ZNF273: variants seen among roughly 807,000 people sequenced by gnomAD.
The protein encoded by ZNF273 is zinc finger protein 9.
A neutral mutation model predicts 14.9 loss-of-function variants in ZNF273; 11 were observed. The observed-to-expected ratio is 0.74, with a 90% CI of 0.46 to 1.22. ZNF273 has a LOEUF of 1.22. ZNF273 is among the 50% of genes most tolerant of loss of function. The probability of loss-of-function intolerance (pLI) is 0.00; values close to 1 mark genes in which losing one functional copy is unlikely to be tolerated. For missense variants in ZNF273, 577 were observed against 660.6 expected (o/e 0.87, Z 1.39); for synonymous variants, 199 against 223.9 (o/e 0.89, Z 0.99).
At chr7:64,923,551 A>C in intron 3 of ZNF273, 1 of 341,984 alleles carries the variant, frequency 2.9e-6, no homozygotes. Context: ...CATGTTGGCC[A>C]GGCTGGTCTC....
downstream of ZNF273, among the ~76,000 whole-genome samples, chr7:64,932,347 G>T (rs1220143165): frequency 6.6e-6 from 1 of 151,830 alleles, no homozygotes; most frequent in Non-Finnish European, 1.5e-5. Flanking sequence ...TTTCACTCTT[G>T]TTGCCCAGGC....
intron 3 of ZNF273, among the ~76,000 whole-genome samples, chr7:64,925,743 CAA>C (rs368531754): frequency 6.6e-6 from 1 of 152,140 alleles, no homozygotes; most frequent in African/African-American, 2.4e-5. Flanking sequence ...CGGCTGCATA[CAA>C]AGTTTTTTCC....
rs78964580 is a variant in ZNF273, at chr7:64,906,313, A to G, written c.102+2894A>G. The stretch of plus-strand genomic sequence containing the variant: ...TATATGGTAAAACTTGGTACCTCCC[A>G]GAAGCGTTCCCATATGACTGTTTAC... On this transcript the variant is annotated intron_variant, in intron 1 of 3. Coordinates refer to ENST00000476120, the MANE Select transcript of ZNF273 (RefSeq NM_021148.3). Among the ~76,000 whole-genome samples, 324 of 152,314 alleles carry G rather than the reference A, an allele frequency of 2.1e-3. 2 individuals carry two copies. The highest frequency in any genetic ancestry group is 7.4e-3 in the African/African-American group (309 of 41,562).
At chr7:64,882,291 G>A (rs555973330), downstream of ZNF273, among the ~76,000 whole-genome samples, 1 of 151,986 alleles carries the variant, frequency 6.6e-6, no homozygotes, top group South Asian at 2.1e-4. Flanking sequence ...CCCACCTCAC[G>A]GTCTCCAATC....
downstream of ZNF273, among the ~76,000 whole-genome samples, chr7:64,882,064 T>A (rs1170805601): frequency 6.6e-6 from 1 of 152,110 alleles, no homozygotes; most frequent in African/African-American, 2.4e-5. Context: ...CCGTGGGTGC[T>A]GAGAAGGGGG....
chr7:64,921,805 T>C (rs747265433), intron 3 of ZNF273, among the ~76,000 whole-genome samples: 2 of 151,750 alleles, frequency 1.3e-5, no homozygotes, highest in Non-Finnish European at 2.9e-5. Flanking sequence ...AATTTTTGTA[T>C]TTTTGTAGAG....
intron 3 of ZNF273, among the ~76,000 whole-genome samples, chr7:64,925,884 G>A (rs1794744283): frequency 6.6e-6 from 1 of 150,736 alleles, no homozygotes; most frequent in Non-Finnish European, 1.5e-5. Flanking sequence ...AATTAAAAAT[G>A]TGTACTGCAC....
chr7:64,932,224 T>TAA (rs34367766), downstream of ZNF273, among the ~76,000 whole-genome samples: 13,266 of 146,752 alleles, frequency 0.09, 658 homozygotes, highest in Non-Finnish European at 0.11. Flanking sequence ...TAACTGTTTG[T>TAA]AAAAAAAAAA....
At chr7:64,888,207 GGCT>G (rs78723265) in intron 1 of ZNF273, 260 of 782,418 alleles carry the variant, frequency 3.3e-4, no homozygotes, top group East Asian at 7.7e-4. Context: ...CCTGAAGCCT[GGCT>G]GCTGCTGCTG....
intron 1 of ZNF273, among the ~76,000 whole-genome samples, chr7:64,910,397 T>C (rs1443394992): frequency 6.6e-6 from 1 of 152,226 alleles, no homozygotes; most frequent in African/African-American, 2.4e-5. Context: ...TACATAGTAC[T>C]AGCTAGTTAT....
intron 1 of ZNF273, among the ~76,000 whole-genome samples, chr7:64,916,262 A>T (rs1440993182): frequency 1.3e-5 from 2 of 151,282 alleles, no homozygotes; most frequent in African/African-American, 4.9e-5. Flanking sequence ...AACATAAGAT[A>T]GGCACGTCGC....
intron 3 of ZNF273, among the ~76,000 whole-genome samples, chr7:64,922,232 T>G (rs971376550): frequency 2.0e-5 from 3 of 151,970 alleles, no homozygotes; most frequent in Non-Finnish European, 4.4e-5. Flanking sequence ...AGCCTCAACC[T>G]TCCAAACTCA....
rs375695781 is a variant in ZNF273, at chr7:64,914,182, A to ATT, written c.103-3374_103-3373dup. Among the ~76,000 whole-genome samples the ATT allele has an allele frequency of 4.2e-3, 299 of 70,892 alleles. 16 individuals carry two copies. Among genetic ancestry groups the ATT allele is most frequent in the African/African-American group, 0.015 (222 of 15,164 alleles). 46.5% of individuals were successfully genotyped at this position (70,892 alleles called of 152,430 possible). A position where few individuals can be genotyped will look rare whatever the true frequency, so the allele number is the denominator to read the frequency against. On this transcript the variant is annotated intron_variant, in intron 1 of 3. Transcript: ENST00000476120. ...ACCACTACGTCCTGGTAATTTTTGT[A>ATT]TTTTTTTTTTTTTTTTTTTTTTTTT...
exon 2 of ZNF273, chr7:64,888,661 G>T (rs998024335): frequency 1.0e-6 from 1 of 985,818 alleles, no homozygotes. Flanking sequence ...CTGACCAGGG[G>T]GCCGCGTCTT....
At chr7:64,932,175 G>T (rs1022177938), downstream of ZNF273, among the ~76,000 whole-genome samples, 5 of 150,058 alleles carry the variant, frequency 3.3e-5, no homozygotes, top group African/African-American at 9.8e-5. Flanking sequence ...GGCATACGCT[G>T]TCCACAGGTG....
upstream of ZNF273, among the ~76,000 whole-genome samples, chr7:64,901,358 T>C: frequency 6.6e-6 from 1 of 152,208 alleles, no homozygotes; most frequent in East Asian, 1.9e-4. Context: ...CTGGTCTTTA[T>C]GGGGTTTCTG....
In ZNF273 at chr7:64,928,407, C is replaced by T. The variant is rs772792365; in HGVS notation, c.1079C>T (p.Thr360Ile). The T allele has an allele frequency of 2.5e-6, 4 of 1,611,676 alleles. No homozygotes were observed. In the African/African-American group the frequency reaches 5.4e-5, roughly 22 times the overall value. Residue 360 changes from threonine to isoleucine, a missense_variant, in exon 4 of 4, where the codon ACT becomes ATT. Thr to Ile is a moderately conservative substitution (Grantham distance 89). Transcript: ENST00000476120. Reference sequence around the variant, plus strand: ...GGTAAAGCCTTTAACTGGTCCTCAACTCTTACTAAACATAAGAGAATTCAT... The same window carrying T: ...GGTAAAGCCTTTAACTGGTCCTCAATTCTTACTAAACATAAGAGAATTCAT... ...ECGKAFNWSS[T>I]LTKHKRIHTG...
At chr7:64,889,221 G>A (rs998627396), downstream of ZNF273, 45 of 985,702 alleles carry the variant, frequency 4.6e-5, no homozygotes, top group Admixed American at 1.2e-4. The surrounding 1 kb of genome is among the most constrained non-coding windows in gnomAD (Gnocchi z 4.2). Flanking sequence ...TGTGGAGAGG[G>A]GCTGGCGCTG....
intron 1 of ZNF273, among the ~76,000 whole-genome samples, chr7:64,912,787 A>AAAC (rs1793614435): frequency 7.9e-6 from 1 of 125,966 alleles, no homozygotes; most frequent in Non-Finnish European, 1.8e-5. Flanking sequence ...ACAGCTAAAT[A>AAAC]AACCCTTTGT....
Sources: gnomAD v4.1 joint callset for allele counts (sites outside exome capture counted in the v4.1 genomes callset) on GRCh38, gnomAD v4.1.1 for gene constraint, Gnocchi (gnomAD v3.1) non-coding constraint, MANE v1.5 for transcripts, NCBI Gene and HGNC (gene_info 2026-07-23, HGNC 2026-07-21) for gene names.